YWHAG: variants seen among roughly 807,000 people sequenced by gnomAD.
The protein encoded by YWHAG is tyrosine 3-monooxygenase/tryptophan 5-monooxygenase activation protein gamma.
A neutral mutation model predicts 23.3 loss-of-function variants in YWHAG; 1 was observed. The observed-to-expected ratio is 0.04, with a 90% CI of 0.02 to 0.20. YWHAG has a LOEUF of 0.20. YWHAG is among the 10% of genes least tolerant of loss of function. YWHAG has a pLI of 1.00. For missense variants in YWHAG, 151 were observed against 338.6 expected (o/e 0.45, Z 4.35); for synonymous variants, 160 against 144.0 (o/e 1.11, Z -0.80).
intron 1 of YWHAG, among the ~76,000 whole-genome samples, chr7:76,348,820 G>A (rs115795972): frequency 0.03 from 4,518 of 152,136 alleles, 231 homozygotes; most frequent in African/African-American, 0.1. Context: ...GAATACAGGC[G>A]TGAGTCAGCC....
chr7:76,329,511 A>G lies in YWHAG; in HGVS notation c.*66T>C, dbSNP rs1281366926. 3 of 1,349,690 alleles carry G rather than the reference A, an allele frequency of 2.2e-6. No homozygotes were observed. The African/African-American group carries it at 4.4e-5, about 20-fold the overall frequency. 83.6% of individuals were successfully genotyped at this position (1,349,690 alleles called of 1,614,324 possible). ...CTTTCCCTCCCCCACCCGACCCCCA[A>G]CTCATGGGAAAAAAATAAAGACTGC... On this transcript the variant is annotated 3_prime_UTR_variant, in exon 2 of 2. Coordinates refer to ENST00000307630, the MANE Select transcript of YWHAG (RefSeq NM_012479.4). The surrounding 1 kb of genome is among the most constrained non-coding windows in gnomAD (Gnocchi z 6.1).
At chr7:76,350,984 A>G (rs1305254068) in intron 1 of YWHAG, among the ~76,000 whole-genome samples, 1 of 152,260 alleles carries the variant, frequency 6.6e-6, no homozygotes, top group East Asian at 1.9e-4. Flanking sequence ...AAATTATGAT[A>G]TATCCACAGG....
rs769886526 is a variant in YWHAG at position 76,329,610 on chromosome 7, C to T, written c.711G>A (p.Gln237=). The change falls in exon 2 of 2, where the codon CAG becomes CAA. Residue 237 remains glutamine (Q), a synonymous_variant. Coordinates refer to ENST00000307630, the MANE Select transcript of YWHAG (RefSeq NM_012479.4). The surrounding 1 kb of genome is among the most constrained non-coding windows in gnomAD (Gnocchi z 6.1). ...RDNLTLWTSD[Q]QDDDGGEGNN is the part of the protein sequence containing the mutation. ...TGCCTTCGCCGCCATCGTCGTCCTGCTGGTCGCTCGTCCAGAGCGTGAGGT... is the reference window on the plus strand; with the variant it reads ...TGCCTTCGCCGCCATCGTCGTCCTGTTGGTCGCTCGTCCAGAGCGTGAGGT... The T allele has an allele frequency of 1.2e-5, 19 of 1,611,494 alleles. No individual in the cohort carries two copies. The highest frequency in any genetic ancestry group is 1.6e-5 in the Non-Finnish European group (19 of 1,177,890).
At chr7:76,337,156 T>C (rs1803628286) in intron 1 of YWHAG, among the ~76,000 whole-genome samples, 1 of 152,242 alleles carries the variant, frequency 6.6e-6, no homozygotes, top group South Asian at 2.1e-4. Context: ...GGCTTCAGTC[T>C]GCTGTCTTTC....
intron 1 of YWHAG, among the ~76,000 whole-genome samples, chr7:76,341,943 A>G (rs1316704184): frequency 6.6e-6 from 1 of 152,188 alleles, no homozygotes; most frequent in Non-Finnish European, 1.5e-5. Context: ...TTTATATAGC[A>G]CTCTCACACA....
At chr7:76,347,068 G>A (rs976429254) in intron 1 of YWHAG, among the ~76,000 whole-genome samples, 1 of 151,942 alleles carries the variant, frequency 6.6e-6, no homozygotes, top group Admixed American at 6.6e-5. Flanking sequence ...AAGACACTGC[G>A]CAGGCATCAC....
chr7:76,350,051 T>C (rs952475396), intron 1 of YWHAG, among the ~76,000 whole-genome samples: 6 of 151,972 alleles, frequency 3.9e-5, no homozygotes, highest in Non-Finnish European at 7.4e-5. Context: ...AGTAAGAAAA[T>C]ACAGATAAAA....
intron 1 of YWHAG, among the ~76,000 whole-genome samples, chr7:76,339,977 T>C (rs1482899388): frequency 6.6e-6 from 1 of 151,828 alleles, no homozygotes; most frequent in Non-Finnish European, 1.5e-5. Context: ...TAATCCCAGC[T>C]ACTCGGGAGG....
intron 1 of YWHAG, among the ~76,000 whole-genome samples, chr7:76,348,612 G>T (rs536209201): frequency 1.3e-5 from 2 of 151,960 alleles, no homozygotes; most frequent in Non-Finnish European, 2.9e-5. Context: ...CACCGTGTTT[G>T]CCAGGATGGT....
chr7:76,357,612 G>C (rs1297209813), intron 1 of YWHAG, among the ~76,000 whole-genome samples: 5 of 152,216 alleles, frequency 3.3e-5, no homozygotes, highest in East Asian at 1.9e-4. Context: ...CTGGCGATCG[G>C]TATTCTCTTT....
chr7:76,349,082 C>A (rs1278705108), intron 1 of YWHAG, among the ~76,000 whole-genome samples: 1 of 151,980 alleles, frequency 6.6e-6, no homozygotes, highest in Non-Finnish European at 1.5e-5. Flanking sequence ...GTGGCTCATG[C>A]CTGTAATCCC....
Position 76,329,520 on chromosome 7 carries a change from A to C in YWHAG, c.*57T>G. 23 of 620,430 alleles carry C rather than the reference A, an allele frequency of 3.7e-5. No individual in the cohort carries two copies. Among genetic ancestry groups the C allele is most frequent in the East Asian group, 1.6e-4 (3 of 19,178 alleles). 38.4% of individuals were successfully genotyped at this position (620,430 alleles called of 1,614,324 possible). The stretch of plus-strand genomic sequence containing the variant: ...CCCCACCCGACCCCCAACTCATGGG[A>C]AAAAAATAAAGACTGCAGTAGTAGC... On this transcript the variant is annotated 3_prime_UTR_variant, in exon 2 of 2. Transcript: ENST00000307630. The surrounding 1 kb of genome is among the most constrained non-coding windows in gnomAD (Gnocchi z 6.1).
At position 76,349,718 on chromosome 7, in the gene YWHAG, C is replaced by CT. The variant is rs532081669; in HGVS notation, c.87+9003dup. Among the ~76,000 whole-genome samples the CT allele has an allele frequency of 1.1e-4, 16 of 152,270 alleles. No individual in the cohort carries two copies. In the South Asian group the frequency reaches 3.3e-3, roughly 32 times the overall value. On this transcript the variant is annotated intron_variant, in intron 1 of 1. Coordinates refer to ENST00000307630, the MANE Select transcript of YWHAG (RefSeq NM_012479.4). The stretch of plus-strand genomic sequence containing the variant: ...AGATCAAGTTCCAAACATCTGAAGT[C>CT]TTTTTCTACATGGCCAGCAAACGAT...
chr7:76,331,570 C>G (rs1267882301), intron 1 of YWHAG, among the ~76,000 whole-genome samples: 1 of 148,740 alleles, frequency 6.7e-6, no homozygotes, highest in South Asian at 2.1e-4. Context: ...TTTTTTAGCT[C>G]ATCAACTATT....
chr7:76,329,692 G>T lies in YWHAG; in HGVS notation c.629C>A (p.Thr210Asn). The T allele has an allele frequency of 6.2e-7, 1 of 1,614,250 alleles. No homozygotes were observed. Among genetic ancestry groups the T allele is most frequent in the Non-Finnish European group, 8.5e-7 (1 of 1,180,046 alleles). The change falls in exon 2 of 2, where the codon ACC becomes AAC. Residue 210 changes from threonine (T) to asparagine (N), a missense_variant. Coordinates refer to ENST00000307630, the MANE Select transcript of YWHAG (RefSeq NM_012479.4). This position sits in a 1 kb window ranked among gnomAD's most constrained non-coding sequence, Gnocchi z 6.1. Reference sequence around the variant, plus strand: ...GTCCTTGTAGGAGTCCTCGTTGAGGGTGTCAAGCTCGGCGATGGCGTCGTC... The same window carrying T: ...GTCCTTGTAGGAGTCCTCGTTGAGGTTGTCAAGCTCGGCGATGGCGTCGTC... ...AFDDAIAELD[T>N]LNEDSYKDST...
At chr7:76,343,597 T>TCTGAC (rs1803732045) in intron 1 of YWHAG, among the ~76,000 whole-genome samples, 1 of 152,080 alleles carries the variant, frequency 6.6e-6, no homozygotes, top group Non-Finnish European at 1.5e-5. Context: ...TTCCTCCTGA[T>TCTGAC]TCTGTCATTC....
intron 1 of YWHAG, among the ~76,000 whole-genome samples, chr7:76,332,105 A>G (rs866950260): frequency 6.6e-6 from 1 of 152,208 alleles, no homozygotes; most frequent in African/African-American, 2.4e-5. Context: ...TTAATGCTGG[A>G]CAACGTTACT....
At chr7:76,343,630 T>C (rs6465098) in intron 1 of YWHAG, among the ~76,000 whole-genome samples, 76,776 of 152,056 alleles carry the variant, frequency 0.5, 19,656 homozygotes, top group East Asian at 0.77. Flanking sequence ...TCCTTTCCAA[T>C]ATGAATCCAG....
At chr7:76,337,850 A>G (rs1803638622) in intron 1 of YWHAG, among the ~76,000 whole-genome samples, 1 of 152,068 alleles carries the variant, frequency 6.6e-6, no homozygotes, top group African/African-American at 2.4e-5. Context: ...TTGCTGATTG[A>G]GCTTTGCATA....
Sources: allele counts gnomAD v4.1 joint callset (sites outside exome capture counted in the v4.1 genomes callset), GRCh38; gene constraint gnomAD v4.1.1; non-coding constraint Gnocchi (gnomAD v3.1); transcripts MANE v1.5; gene names NCBI Gene and HGNC (gene_info 2026-07-23, HGNC 2026-07-21).